Variants in TDRD12 observed in about 807,000 individuals in gnomAD.
TDRD12 encodes the protein tudor domain containing 12, also known as putative ATP-dependent RNA helicase TDRD12.
A neutral mutation model predicts 133.5 loss-of-function variants in TDRD12; 158 were observed. The ratio of observed to expected loss-of-function variants is 1.18; its 90% CI spans 1.04 to 1.35. The LOEUF (loss-of-function observed/expected upper bound fraction) is 1.35, where lower values mean the gene tolerates loss of function less well. Among genes scored for constraint, TDRD12 ranks in the 40% most tolerant of loss-of-function variants. TDRD12 has a pLI of 0.00. For synonymous variants in TDRD12, 460 were observed against 477.9 expected (o/e 0.96, Z 0.49); for missense variants, 1,443 against 1,321.3 (o/e 1.09, Z -1.43).
chr19:32,772,925 A>G, intron 9 of TDRD12, 75 bp downstream of exon 9: 1 of 768,460 alleles, frequency 1.3e-6, no homozygotes, highest in Non-Finnish European at 1.9e-6. Context: ...TTTGAAATCT[A>G]TCTGAAACCA....
chr19:32,810,800 A>G (rs1009068718), intron 23 of TDRD12, among the ~76,000 whole-genome samples: 1 of 152,102 alleles, frequency 6.6e-6, no homozygotes, highest in Non-Finnish European at 1.5e-5. Context: ...GCTGAGGTGA[A>G]TGGATTGCTT....
chr19:32,748,842 G>T (rs1453682154), intron 5 of TDRD12, among the ~76,000 whole-genome samples: 7 of 152,230 alleles, frequency 4.6e-5, no homozygotes, highest in Non-Finnish European at 1.0e-4. Context: ...AATTCATGTG[G>T]ATTTTATTGT....
At chr19:32,743,516 G>A (rs1051145071) in intron 4 of TDRD12, among the ~76,000 whole-genome samples, 9 of 152,002 alleles carry the variant, frequency 5.9e-5, no homozygotes, top group African/African-American at 2.2e-4. Flanking sequence ...CCAAAGTGCT[G>A]GGATTCCAGG....
chr19:32,826,113 A>G (rs1298787248), downstream of TDRD12: 1 of 1,535,852 alleles, frequency 6.5e-7, no homozygotes, highest in Non-Finnish European at 8.7e-7. Context: ...TTATCTGGAA[A>G]CACTGAAGGT....
chr19:32,799,232 C>T (rs114754286), intron 16 of TDRD12, among the ~76,000 whole-genome samples: 303 of 152,154 alleles, frequency 2.0e-3, no homozygotes, highest in African/African-American at 6.7e-3. Flanking sequence ...GACTATGAGG[C>T]GGTGCAGGGT....
At chr19:32,790,395 G>A in intron 11 of TDRD12, 136 bp from the exon 12 acceptor site, 1 of 844,780 alleles carries the variant, frequency 1.2e-6, no homozygotes, top group Non-Finnish European at 1.8e-6. Context: ...AAGCAGAACA[G>A]AACAGGCAGC....
chr19:32,794,533 T>C, intron 13 of TDRD12, 95 bp from the exon 14 acceptor site: 1 of 624,974 alleles, frequency 1.6e-6, no homozygotes, highest in Non-Finnish European at 2.9e-6. Flanking sequence ...GGTTTGGCAA[T>C]GTGTAGTGCT....
Position 32,800,191 on chromosome 19 carries a change from A to T in TDRD12, c.1783A>T (p.Lys595Ter). Residue 595 changes from lysine (K) to a stop codon, truncating the protein, a stop_gained, in exon 17 of 28, where the codon AAA (lysine) becomes TAA (stop). Coordinates refer to ENST00000444215, the Ensembl canonical transcript of TDRD12. LOFTEE classifies it high-confidence loss of function. ...GATGTTTGCTATATTAGATAACTTT[A>T]AAAAAAATATTGAAGTTGAAGAAAG... 6.7e-7 allele frequency: 1 copy of T among 1,496,806 alleles called. No homozygotes were observed. The highest frequency in any genetic ancestry group is 8.9e-7 in the Non-Finnish European group (1 of 1,124,868). The allele number at this position is 1,496,806 out of a possible 1,614,324, so 92.7% of individuals were successfully genotyped here.
In TDRD12 at chr19:32,811,320, T is replaced by C. The variant is rs773779608; in HGVS notation, c.2948T>C (p.Leu983Pro). Residue 983 changes from leucine to proline, a missense_variant, in exon 24 of 28, where the codon CTG becomes CCG. Leu to Pro is a moderately conservative substitution (Grantham distance 98, BLOSUM62 -3). Transcript: ENST00000444215. ...GGGCTCGTCACAAGGGACCAGCTGC[T>C]GCATCTCCCAGAACATTTCCACACA... 4.6e-6 allele frequency: 7 copies of C among 1,536,150 alleles called. No individual in the cohort carries two copies. In the South Asian group the frequency reaches 8.3e-5, roughly 18 times the overall value.
rs1268294602 is a variant in TDRD12, at chr19:32,781,788, T to C, written c.1121+4559T>C. On this transcript the variant is annotated intron_variant, in intron 11 of 27. Coordinates refer to ENST00000444215, the Ensembl canonical transcript of TDRD12. ...GTTGTGCCTTGGTGTGGTTCTATTATTATGCTTGTCATTCAGTGGACACTT... is the reference window on the plus strand; with the variant it reads ...GTTGTGCCTTGGTGTGGTTCTATTACTATGCTTGTCATTCAGTGGACACTT... 3.3e-5 allele frequency among the ~76,000 whole-genome samples: 5 copies of C among 151,886 alleles called. No homozygotes were observed. In the South Asian group the frequency reaches 6.2e-4, roughly 19 times the overall value.
chr19:32,826,183 G>A (rs1377925882), downstream of TDRD12: 1 of 1,533,746 alleles, frequency 6.5e-7, no homozygotes, highest in Non-Finnish European at 8.7e-7. Context: ...CGGCATGGAG[G>A]AGTCGGCGTC....
At chr19:32,756,767 A>G (rs924823747) in intron 7 of TDRD12, among the ~76,000 whole-genome samples, 1 of 152,206 alleles carries the variant, frequency 6.6e-6, no homozygotes, top group Non-Finnish European at 1.5e-5. Context: ...CAAATTTTGA[A>G]TATTTAGACT....
intron 2 of TDRD12, among the ~76,000 whole-genome samples, chr19:32,737,835 A>C (rs1024035085): frequency 6.6e-6 from 1 of 152,226 alleles, no homozygotes; most frequent in Admixed American, 6.5e-5. Flanking sequence ...TCAGAGGCCA[A>C]TAAGAGTCAT....
In TDRD12 at chr19:32,795,657, G is replaced by A. The variant is rs377698180; in HGVS notation, c.1473+844G>A. Among the ~76,000 whole-genome samples the A allele has an allele frequency of 5.9e-5, 9 of 152,308 alleles. No homozygotes were observed. In the East Asian group the frequency reaches 1.7e-3, roughly 29 times the overall value. On this transcript the variant is annotated intron_variant, in intron 14 of 27. Transcript: ENST00000444215. ...ACCTCAGAATAACTGTATTAAGTCT[G>A]TTCTAGCATTGCTATAAATACCTGA...
intron 8 of TDRD12, among the ~76,000 whole-genome samples, chr19:32,760,325 C>T (rs1011650222): frequency 6.6e-6 from 1 of 152,150 alleles, no homozygotes; most frequent in Non-Finnish European, 1.5e-5. Context: ...TTAGATGTTA[C>T]TTTTCTAAGT....
chr19:32,819,412 G>A (rs1038802840), intron 27 of TDRD12, among the ~76,000 whole-genome samples: 3 of 151,932 alleles, frequency 2.0e-5, no homozygotes, highest in Non-Finnish European at 2.9e-5. Context: ...TAGAATACAG[G>A]GTAGTTTCCC....
Position 32,805,655 on chromosome 19 carries a change from A to T in TDRD12, c.2553-1894A>T, listed in dbSNP as rs187520694. On this transcript the variant is annotated intron_variant, in intron 21 of 27. Transcript: ENST00000444215. ...TTAGGAGCTGGTGTATGAGTCCTCC[A>T]GCTTTGGTCCTCATCAAGGTTGTTT... is the stretch of plus-strand genomic sequence containing the variant. Among the ~76,000 whole-genome samples the T allele has an allele frequency of 1.8e-4, 27 of 151,786 alleles. 1 individual carries two copies. The highest frequency in any genetic ancestry group is 1.4e-3 in the Admixed American group (21 of 15,228).
chr19:32,750,171 G>A (rs992350540), intron 6 of TDRD12, among the ~76,000 whole-genome samples: 1 of 152,114 alleles, frequency 6.6e-6, no homozygotes, highest in African/African-American at 2.4e-5. Context: ...TTGCTGTAGC[G>A]TTAGTTCACT....
chr19:32,747,735 G>A (rs1229575191), intron 4 of TDRD12, among the ~76,000 whole-genome samples: 2 of 152,180 alleles, frequency 1.3e-5, no homozygotes, highest in East Asian at 3.9e-4. Flanking sequence ...GAGACCCAGT[G>A]CGTTAGCTCA....
Sources: allele counts gnomAD v4.1 joint callset (sites outside exome capture counted in the v4.1 genomes callset), GRCh38; gene constraint gnomAD v4.1.1; transcripts MANE v1.5; gene names NCBI Gene and HGNC (gene_info 2026-07-23, HGNC 2026-07-21).